Variants in CPD observed in about 807,000 individuals in gnomAD.
CPD encodes metallocarboxypeptidase D.
Under a neutral mutation model 138.3 loss-of-function variants are expected in CPD, and 69 were observed. The observed-to-expected ratio is 0.50, with a 90% CI of 0.41 to 0.61. The LOEUF (loss-of-function observed/expected upper bound fraction) is 0.61. Among genes scored for constraint, CPD ranks in the 20% least tolerant of loss-of-function variants. CPD has a pLI of 0.00. For synonymous variants in CPD, 651 were observed against 642.1 expected (o/e 1.01, Z -0.21); for missense variants, 1,432 against 1,733.3 (o/e 0.83, Z 3.09).
chr17:30,458,163 C>T (rs1639151843), intron 17 of CPD, among the ~76,000 whole-genome samples: 1 of 152,136 alleles, frequency 6.6e-6, no homozygotes, highest in African/African-American at 2.4e-5. Context: ...CATTGCACTC[C>T]AGCCTGGGCA....
chr17:30,435,687 CTG>C (rs541063531), intron 8 of CPD, among the ~76,000 whole-genome samples: 5 of 152,044 alleles, frequency 3.3e-5, no homozygotes, highest in African/African-American at 7.2e-5. Context: ...CAAAAAAAAA[CTG>C]TATTTGTTTC....
chr17:30,433,260 A>C (rs948315829), intron 8 of CPD, among the ~76,000 whole-genome samples: 1 of 152,192 alleles, frequency 6.6e-6, no homozygotes, highest in African/African-American at 2.4e-5. Context: ...TGGAGTAATA[A>C]GAGAATGTAT....
chr17:30,381,828 C>T (rs1468987171), intron 1 of CPD, among the ~76,000 whole-genome samples: 3 of 151,712 alleles, frequency 2.0e-5, no homozygotes, highest in Non-Finnish European at 4.4e-5. Flanking sequence ...CAGCTATATT[C>T]GAATTAGATT....
chr17:30,385,211 C>T lies in CPD; in HGVS notation c.969C>T (p.Asn323=), dbSNP rs370362858. The change falls in exon 2 of 21, where the codon AAC becomes AAT. Residue 323 remains asparagine, a synonymous_variant. Transcript: ENST00000225719. ...AGACTTTCAAAGATGGAATCACAAA[C>T]GGCGCACATTGGTATGATGTGGAAG... ...EDETFKDGIT[N]GAHWYDVEGG... is the part of the protein sequence containing the mutation. 21 of 1,613,880 alleles carry T rather than the reference C, an allele frequency of 1.3e-5. No individual in the cohort carries two copies. Among genetic ancestry groups the T allele is most frequent in the South Asian group, 3.3e-5 (3 of 91,078 alleles).
intron 2 of CPD, among the ~76,000 whole-genome samples, chr17:30,394,244 A>G (rs1341254769): frequency 6.7e-6 from 1 of 149,328 alleles, no homozygotes; most frequent in African/African-American, 2.5e-5. Context: ...GGGAGCGAAG[A>G]TCCCACAGTC....
chr17:30,462,085 C>T, intron 19 of CPD, 23 bp downstream of exon 19: 1 of 1,572,460 alleles, frequency 6.4e-7, no homozygotes, highest in Non-Finnish European at 8.6e-7. Context: ...AATTGAGTAG[C>T]ATCATGTAAA....
chr17:30,384,895 G>A (rs1051519312), intron 1 of CPD, 94 bp from the exon 2 acceptor site: 1 of 1,381,058 alleles, frequency 7.2e-7, no homozygotes, highest in African/African-American at 1.5e-5. Context: ...GAGAGATATT[G>A]GAGTTTATTT....
intron 10 of CPD, 34 bp downstream of exon 10, chr17:30,442,484 C>T (rs1401103826): frequency 6.3e-7 from 1 of 1,598,204 alleles, no homozygotes; most frequent in Non-Finnish European, 8.6e-7. Flanking sequence ...GAAATTTCTC[C>T]CGAGGGTGAA....
intron 2 of CPD, among the ~76,000 whole-genome samples, chr17:30,398,867 TA>T (rs1388201349): frequency 1.3e-5 from 2 of 150,284 alleles, no homozygotes; most frequent in South Asian, 2.1e-4. Context: ...TTTAAATAAT[TA>T]AAAAAAAATT....
In CPD at chr17:30,466,236, T is replaced by C. The variant is rs1913632367; in HGVS notation, c.*1422T>C. On this transcript the variant is annotated 3_prime_UTR_variant, in exon 21 of 21. Transcript: ENST00000225719. ...AATAACCAAGTTGCTGCTGAACTTA[T>C]ACTAAATCAGGGGACCAAAAAACTT... 6.6e-6 allele frequency: 1 copy of C among 152,640 alleles called. No individual in the cohort carries two copies. Among genetic ancestry groups the C allele is most frequent in the South Asian group, 2.1e-4 (1 of 4,836 alleles). 9.5% of individuals were successfully genotyped at this position (152,640 alleles called of 1,614,324 possible).
chr17:30,381,264 A>T (rs1911036611), intron 1 of CPD, among the ~76,000 whole-genome samples: 1 of 152,208 alleles, frequency 6.6e-6, no homozygotes, highest in African/African-American at 2.4e-5. Flanking sequence ...TGGAGATGAT[A>T]CAACAAATGC....
At chr17:30,449,895 C>G in intron 13 of CPD, 147 bp downstream of exon 13, 1 of 641,918 alleles carries the variant, frequency 1.6e-6, no homozygotes, top group Middle Eastern at 3.7e-4. Context: ...AAAAATGAAC[C>G]ATCTTTGTAG....
At chr17:30,425,988 C>T (rs1912396091) in intron 6 of CPD, among the ~76,000 whole-genome samples, 1 of 152,020 alleles carries the variant, frequency 6.6e-6, no homozygotes. Context: ...ATCACGAGGT[C>T]AGGAGTTCGA....
At chr17:30,458,010 T>G (rs1159185094) in intron 17 of CPD, among the ~76,000 whole-genome samples, 1 of 151,996 alleles carries the variant, frequency 6.6e-6, no homozygotes, top group Non-Finnish European at 1.5e-5. Context: ...CTGGCCAACA[T>G]GGTGAAACCC....
chr17:30,457,717 T>G (rs1913338248), intron 17 of CPD, among the ~76,000 whole-genome samples: 2 of 151,946 alleles, frequency 1.3e-5, no homozygotes, highest in African/African-American at 2.4e-5. Context: ...TGGAGTGCAG[T>G]GGCTATGGCT....
At chr17:30,401,327 TTCCTCTTCCTCTTCTTCC>T (rs1232473691) in intron 2 of CPD, among the ~76,000 whole-genome samples, 47 of 151,040 alleles carry the variant, frequency 3.1e-4, no homozygotes, top group East Asian at 5.8e-4. Context: ...CCTCCTCTTC[TTCCTCTTCCTCTTCTTCC>T]TCCTCTTCCT....
chr17:30,396,161 TGAGA>T (rs1567867347), intron 2 of CPD, among the ~76,000 whole-genome samples: 1 of 152,174 alleles, frequency 6.6e-6, no homozygotes, highest in Admixed American at 6.5e-5. Context: ...TTCAAAGTCG[TGAGA>T]GAATTTCTCA....
At chr17:30,384,618 G>C (rs961916276) in intron 1 of CPD, among the ~76,000 whole-genome samples, 17 of 152,110 alleles carry the variant, frequency 1.1e-4, no homozygotes, top group African/African-American at 4.1e-4. Flanking sequence ...GTGAATATTG[G>C]CAAGCTCAAA....
chr17:30,440,523 TA>T (rs896183171), intron 9 of CPD, among the ~76,000 whole-genome samples: 1 of 148,114 alleles, frequency 6.8e-6, no homozygotes, highest in African/African-American at 2.5e-5. Context: ...GGTTTTCTTC[TA>T]GGGTTTTTAT....
Sources: gnomAD v4.1 joint callset for allele counts (sites outside exome capture counted in the v4.1 genomes callset) on GRCh38, gnomAD v4.1.1 for gene constraint, MANE v1.5 for transcripts, NCBI Gene and HGNC (gene_info 2026-07-23, HGNC 2026-07-21) for gene names.